The following RCVRN variants were observed in gnomAD, a reference collection of about 807,000 sequenced individuals.
RCVRN encodes the protein cancer associated retinopathy antigen.
Under a neutral mutation model 20.4 loss-of-function variants are expected in RCVRN, and 23 were observed. That is an observed-to-expected ratio of 1.13 (90% CI 0.81 to 1.60). RCVRN has a LOEUF of 1.60. Among genes scored for constraint, RCVRN ranks in the 40% most tolerant of loss-of-function variants. RCVRN has a pLI of 0.00. For missense variants in RCVRN, 254 were observed against 254.2 expected, an observed-to-expected ratio of 1.00 and a Z score of 0.00; for synonymous variants, 105 against 105.9, an observed-to-expected ratio of 0.99 and a Z score of 0.05.
chr17:9,899,481 G>A lies in RCVRN; in HGVS notation c.494-1277C>T, dbSNP rs1341900156. ...GGGCTTCTGACGTCATCCCCTCCCG[G>A]GATGTTCACCAGGGAGGTTTTCAGA... On this transcript the variant is annotated intron_variant, in intron 2 of 2. Coordinates refer to ENST00000226193, the MANE Select transcript of RCVRN (RefSeq NM_002903.3). This position sits in a 1 kb window ranked among gnomAD's most constrained non-coding sequence, Gnocchi z 4.6. Among the ~76,000 whole-genome samples the A allele has an allele frequency of 6.6e-6, 1 of 152,184 alleles. No homozygotes were observed. Among genetic ancestry groups the A allele is most frequent in the Non-Finnish European group, 1.5e-5 (1 of 68,036 alleles).
intron 2 of RCVRN, among the ~76,000 whole-genome samples, chr17:9,898,837 C>T (rs2067329963): frequency 6.6e-6 from 1 of 152,188 alleles, no homozygotes; most frequent in South Asian, 2.1e-4. Context: ...GCATCCATCC[C>T]TGCGTCCCCC....
Position 9,897,190 on chromosome 17 carries a change from A to C in RCVRN, c.*905T>G, listed in dbSNP as rs2067320756. ...CATGGTGAGCCCCCAAGTGCTTACCACAGGCTGCAGGGAGGGCTTTGCGTG... is the reference window on the plus strand; with the variant it reads ...CATGGTGAGCCCCCAAGTGCTTACCCCAGGCTGCAGGGAGGGCTTTGCGTG... On this transcript the variant is annotated 3_prime_UTR_variant, in exon 3 of 3. Coordinates refer to ENST00000226193, the MANE Select transcript of RCVRN (RefSeq NM_002903.3). 6.6e-6 allele frequency: 1 copy of C among 152,232 alleles called. No homozygotes were observed. Among genetic ancestry groups the C allele is most frequent in the Non-Finnish European group, 1.5e-5 (1 of 68,130 alleles). The allele number at this position is 152,232 out of a possible 1,614,324, so 9.4% of individuals were successfully genotyped here.
chr17:9,902,795 C>T (rs12450332), intron 1 of RCVRN, among the ~76,000 whole-genome samples: 67,277 of 151,918 alleles, frequency 0.44, 15,664 homozygotes, highest in Non-Finnish European at 0.52. Context: ...GTCAGGAGTT[C>T]GAGACCAGCC....
chr17:9,902,860 G>T (rs754686002), intron 1 of RCVRN, among the ~76,000 whole-genome samples: 1 of 152,146 alleles, frequency 6.6e-6, no homozygotes, highest in Non-Finnish European at 1.5e-5. Flanking sequence ...AGCTGGGCAG[G>T]TGCCTGTAAT....
At position 9,897,388 on chromosome 17, in the gene RCVRN, C is replaced by T. The variant is rs905669845; in HGVS notation, c.*707G>A. On this transcript the variant is annotated 3_prime_UTR_variant, in exon 3 of 3. Transcript: ENST00000226193. ...TCCCCACCCCGACCCCGTCCCCCGC[C>T]TCGTGTGCAGTGGTTCTGAATTTAA... 4.6e-5 allele frequency: 7 copies of T among 151,584 alleles called. No homozygotes were observed. Among genetic ancestry groups the T allele is most frequent in the African/African-American group, 1.7e-4 (7 of 41,332 alleles). 9.4% of individuals were successfully genotyped at this position (151,584 alleles called of 1,614,324 possible).
At chr17:9,903,962 G>A (rs534900568) in intron 1 of RCVRN, among the ~76,000 whole-genome samples, 1 of 152,158 alleles carries the variant, frequency 6.6e-6, no homozygotes, top group Non-Finnish European at 1.5e-5. Context: ...AAAATGGGCC[G>A]GGCACAGTGG....
In RCVRN at chr17:9,899,760, A is replaced by G. The variant is rs1266741471; in HGVS notation, c.493+1229T>C. On this transcript the variant is annotated intron_variant, in intron 2 of 2. Coordinates refer to ENST00000226193, the MANE Select transcript of RCVRN (RefSeq NM_002903.3). The surrounding 1 kb of genome is among the most constrained non-coding windows in gnomAD (Gnocchi z 4.6). ...TGTGAGTGCATTGTTGACCCCTGAG[A>G]ACGAGCGCCTCCTTAAATTCTGTGT... Among the ~76,000 whole-genome samples, 1 of 152,122 alleles carries G rather than the reference A, an allele frequency of 6.6e-6. No homozygotes were observed. The highest frequency in any genetic ancestry group is 2.4e-5 in the African/African-American group (1 of 41,416).
Position 9,898,010 on chromosome 17 carries a change from G to T in RCVRN, c.*85C>A. On this transcript the variant is annotated 3_prime_UTR_variant, in exon 3 of 3. Coordinates refer to ENST00000226193, the MANE Select transcript of RCVRN (RefSeq NM_002903.3). ...TGTGTGTGTGTGTGTGCGCGCGCGT[G>T]TGTGTGCATGTGTGTGTGTGTGCAC... 1.2e-6 allele frequency: 1 copy of T among 833,400 alleles called. No individual in the cohort carries two copies. The highest frequency in any genetic ancestry group is 2.1e-6 in the Non-Finnish European group (1 of 473,886). The allele number at this position is 833,400 out of a possible 1,614,324, so 51.6% of individuals were successfully genotyped here.
At chr17:9,903,739 G>A (rs1340283755) in intron 1 of RCVRN, among the ~76,000 whole-genome samples, 1 of 152,156 alleles carries the variant, frequency 6.6e-6, no homozygotes, top group Non-Finnish European at 1.5e-5. Context: ...TTCTATGTGG[G>A]AACATCATAG....
At chr17:9,901,256 G>A (rs545571172) in intron 1 of RCVRN, 156 bp from the exon 2 acceptor site, 7 of 444,926 alleles carry the variant, frequency 1.6e-5, no homozygotes, top group African/African-American at 6.0e-5. Context: ...GGAGGAAAAC[G>A]TAGGGGAAAA....
At chr17:9,903,433 G>A (rs548551891) in intron 1 of RCVRN, among the ~76,000 whole-genome samples, 25 of 152,370 alleles carry the variant, frequency 1.6e-4, no homozygotes, top group Non-Finnish European at 2.5e-4. Flanking sequence ...CACGCCGCGC[G>A]TGGGAAGCGG....
At chr17:9,903,048 A>C (rs2067348393) in intron 1 of RCVRN, among the ~76,000 whole-genome samples, 1 of 152,220 alleles carries the variant, frequency 6.6e-6, no homozygotes, top group African/African-American at 2.4e-5. Flanking sequence ...ACTCATGATA[A>C]AAGAGTAACT....
In RCVRN at chr17:9,897,904, G is replaced by A. The variant is rs754871913; in HGVS notation, c.*191C>T. ...AGACCCAGGAAGAAGGAACCAGTGG[G>A]TCACTACAGATGCTTCAGTTTGGCA... On this transcript the variant is annotated 3_prime_UTR_variant, in exon 3 of 3. Transcript: ENST00000226193. The A allele has an allele frequency of 2.7e-4, 155 of 579,524 alleles. No homozygotes were observed. The highest frequency in any genetic ancestry group is 4.1e-4 in the Non-Finnish European group (134 of 323,866). The allele number at this position is 579,524 out of a possible 1,614,324, so 35.9% of individuals were successfully genotyped here. A position where few individuals can be genotyped will look rare whatever the true frequency, so the allele number is the denominator to read the frequency against.
At chr17:9,898,809 G>A (rs1597414481) in intron 2 of RCVRN, among the ~76,000 whole-genome samples, 2 of 152,104 alleles carry the variant, frequency 1.3e-5, no homozygotes, top group Admixed American at 6.5e-5. Context: ...TGACAACTCC[G>A]CCATGATCCC....
rs1181618624 is a variant in RCVRN, at chr17:9,905,187, G to A, written c.-7C>T. The A allele has an allele frequency of 3.7e-6, 6 of 1,600,970 alleles. No individual in the cohort carries two copies. The East Asian group carries it at 1.1e-4, about 30-fold the overall frequency. ...CACTTTTGCTGTTCCCCATGAGTGA[G>A]GAAGAGTGGGCAGCGGCTGGGGAGT... On this transcript the variant is annotated 5_prime_UTR_variant, in exon 1 of 3. Transcript: ENST00000226193.
intron 2 of RCVRN, among the ~76,000 whole-genome samples, chr17:9,898,847 C>A (rs1729631966): frequency 6.6e-6 from 1 of 152,218 alleles, no homozygotes; most frequent in Non-Finnish European, 1.5e-5. Flanking sequence ...CTGCGTCCCC[C>A]AGTCTCATCT....
At chr17:9,900,389 G>T (rs572642344) in intron 2 of RCVRN, among the ~76,000 whole-genome samples, 1 of 149,186 alleles carries the variant, frequency 6.7e-6, no homozygotes, top group Admixed American at 6.6e-5. Context: ...CACCAAGACT[G>T]ACAGGGGCAC....
chr17:9,898,316 A>G lies in RCVRN; in HGVS notation c.494-112T>C, dbSNP rs558948877. 1.4e-5 allele frequency: 10 copies of G among 718,172 alleles called. No homozygotes were observed. The South Asian group carries it at 1.6e-4, about 11-fold the overall frequency. 44.5% of individuals were successfully genotyped at this position (718,172 alleles called of 1,614,324 possible). ...TATCCCCAGTGTGAATGTATCTATT[A>G]TAAGAATATTGAATACTCAGTGGCC... On this transcript the variant is annotated intron_variant, in intron 2 of 2. Coordinates refer to ENST00000226193, the MANE Select transcript of RCVRN (RefSeq NM_002903.3).
At position 9,904,435 on chromosome 17, in the gene RCVRN, T is replaced by C. The variant is rs903087924; in HGVS notation, c.381+365A>G. On this transcript the variant is annotated intron_variant, in intron 1 of 2. Coordinates refer to ENST00000226193, the MANE Select transcript of RCVRN (RefSeq NM_002903.3). The surrounding 1 kb of genome is among the most constrained non-coding windows in gnomAD (Gnocchi z 5.8). Reference sequence around the variant, plus strand: ...ATACACTTAGGCTACACTAAATGCATTTGAAAAATAAAGTAACTGTGCTAT... The same window carrying C: ...ATACACTTAGGCTACACTAAATGCACTTGAAAAATAAAGTAACTGTGCTAT... Among the ~76,000 whole-genome samples, 6 of 152,196 alleles carry C rather than the reference T, an allele frequency of 3.9e-5. No homozygotes were observed. Among genetic ancestry groups the C allele is most frequent in the African/African-American group, 1.4e-4 (6 of 41,452 alleles).
Sources: gnomAD v4.1 joint callset for allele counts (sites outside exome capture counted in the v4.1 genomes callset) on GRCh38, gnomAD v4.1.1 for gene constraint, Gnocchi (gnomAD v3.1) non-coding constraint, MANE v1.5 for transcripts, NCBI Gene and HGNC (gene_info 2026-07-23, HGNC 2026-07-21) for gene names.